MTUS2: variants seen among roughly 807,000 people sequenced by gnomAD.
MTUS2 encodes microtubule associated scaffold protein 2.
In MTUS2, 40 loss-of-function variants were observed where a neutral mutation model predicts 114.1. That is an observed-to-expected ratio of 0.35 (90% CI 0.27 to 0.46). The LOEUF (loss-of-function observed/expected upper bound fraction) is 0.46, where lower values mean the gene tolerates loss of function less well. Among genes scored for constraint, MTUS2 ranks in the 20% least tolerant of loss-of-function variants. The pLI is 1.00. For missense variants in MTUS2, 1,679 were observed against 1,705.4 expected, an observed-to-expected ratio of 0.98 and a Z score of 0.27; for synonymous variants, 688 against 672.0, an observed-to-expected ratio of 1.02 and a Z score of -0.37.
chr13:29,249,384 T>C (rs1200303577), intron 5 of MTUS2, among the ~76,000 whole-genome samples: 1 of 152,224 alleles, frequency 6.6e-6, no homozygotes, highest in Non-Finnish European at 1.5e-5. Context: ...GGAATCACCA[T>C]ACTGTCTTCC....
chr13:29,460,767 T>C (rs1879426504), intron 9 of MTUS2, among the ~76,000 whole-genome samples: 1 of 152,186 alleles, frequency 6.6e-6, no homozygotes, highest in African/African-American at 2.4e-5. Flanking sequence ...GTGTGGTCCT[T>C]CTTTACAGTT....
chr13:29,383,062 G>A (rs528989766), intron 8 of MTUS2, among the ~76,000 whole-genome samples: 2 of 151,286 alleles, frequency 1.3e-5, no homozygotes, highest in African/African-American at 4.9e-5. Context: ...GATAATATTG[G>A]GCCACAGAGT....
At chr13:29,077,319 A>T (rs978611969) in intron 4 of MTUS2, among the ~76,000 whole-genome samples, 8 of 152,186 alleles carry the variant, frequency 5.3e-5, no homozygotes, top group African/African-American at 1.7e-4. Context: ...CCATGTGAAC[A>T]AAGCAAACCA....
intron 2 of MTUS2, among the ~76,000 whole-genome samples, chr13:28,908,135 T>C (rs941709389): frequency 6.6e-6 from 1 of 151,648 alleles, no homozygotes; most frequent in Non-Finnish European, 1.5e-5. Context: ...TCAGCAACTA[T>C]TTCTTTCTTT....
rs569040792 is a variant in MTUS2, at chr13:29,393,098, C to T, written c.3117+33625C>T. On this transcript the variant is annotated intron_variant, in intron 8 of 15. Transcript: ENST00000612955. ...ATGAAGGTAGCATCTCTCAGTACTG[C>T]GCCAGGGCCAGCTGTGAGCAAAGCA... Among the ~76,000 whole-genome samples the T allele has an allele frequency of 5.3e-5, 8 of 152,288 alleles. No homozygotes were observed. In the East Asian group the frequency reaches 5.8e-4, roughly 11 times the overall value.
intron 2 of MTUS2, among the ~76,000 whole-genome samples, chr13:28,971,017 T>C (rs559936407): frequency 3.9e-5 from 6 of 152,344 alleles, no homozygotes; most frequent in East Asian, 3.9e-4. Flanking sequence ...TCGATAGTTA[T>C]TAAATCGCCT....
chr13:29,116,875 A>G (rs1891111573), intron 5 of MTUS2, among the ~76,000 whole-genome samples: 1 of 152,188 alleles, frequency 6.6e-6, no homozygotes, highest in Non-Finnish European at 1.5e-5. Flanking sequence ...TTTAAAACTT[A>G]TAAATTGTTT....
At chr13:28,991,127 G>A (rs749184201) in intron 2 of MTUS2, among the ~76,000 whole-genome samples, 36 of 152,160 alleles carry the variant, frequency 2.4e-4, no homozygotes, top group Admixed American at 3.3e-4. Context: ...CATGAGGCAG[G>A]GGACCCAGTG....
rs377368456 is a variant in MTUS2 at position 29,300,283 on chromosome 13, C to T, written c.2806+18418C>T. Among the ~76,000 whole-genome samples the T allele has an allele frequency of 1.1e-3, 163 of 152,260 alleles. 1 individual carries two copies. The highest frequency in any genetic ancestry group is 3.0e-3 in the African/African-American group (123 of 41,532). ...TGGTCTGAAACCTTTTGTGGATGCT[C>T]TTCAAAAGTAGGACACTAAAACCCT... On this transcript the variant is annotated intron_variant, in intron 6 of 15. Coordinates refer to ENST00000612955, the MANE Select transcript of MTUS2 (RefSeq NM_001033602.4).
chr13:29,030,178 C>A (rs927177198), intron 3 of MTUS2, among the ~76,000 whole-genome samples: 7 of 152,260 alleles, frequency 4.6e-5, no homozygotes, highest in Middle Eastern at 3.4e-3. Context: ...TTTCCCCAAA[C>A]TATTTTCTCT....
At chr13:29,429,712 G>A (rs1876844722) in intron 8 of MTUS2, among the ~76,000 whole-genome samples, 1 of 152,170 alleles carries the variant, frequency 6.6e-6, no homozygotes, top group South Asian at 2.1e-4. Flanking sequence ...ATTTCTACAA[G>A]ATGCATGAAA....
At chr13:29,186,381 G>A (rs901804994) in intron 5 of MTUS2, among the ~76,000 whole-genome samples, 3 of 152,080 alleles carry the variant, frequency 2.0e-5, no homozygotes, top group Non-Finnish European at 4.4e-5. Flanking sequence ...ATACACTTTA[G>A]ATCCAATGTA....
At chr13:29,210,720 G>A (rs181687575) in intron 5 of MTUS2, among the ~76,000 whole-genome samples, 24 of 152,278 alleles carry the variant, frequency 1.6e-4, no homozygotes, top group Non-Finnish European at 2.6e-4. Flanking sequence ...ACCTAGCTGA[G>A]CTACCAGGCT....
intron 2 of MTUS2, among the ~76,000 whole-genome samples, chr13:28,932,029 G>T (rs980616820): frequency 6.6e-6 from 1 of 151,944 alleles, no homozygotes; most frequent in African/African-American, 2.4e-5. Flanking sequence ...TGGTGAATAT[G>T]CATACATTCC....
intron 2 of MTUS2, among the ~76,000 whole-genome samples, chr13:28,903,032 T>C (rs796673131): frequency 5.3e-5 from 8 of 152,264 alleles, no homozygotes; most frequent in African/African-American, 1.9e-4. Flanking sequence ...TTCTTTCATA[T>C]GGATTGAGTT....
rs141996671 is a variant in MTUS2, at chr13:29,389,311, A to G, written c.3117+29838A>G. 1.7e-3 allele frequency among the ~76,000 whole-genome samples: 242 copies of G among 144,864 alleles called. 6 individuals are homozygous for G. The highest frequency in any genetic ancestry group is 0.011 in the Middle Eastern group (3 of 274). On this transcript the variant is annotated intron_variant, in intron 8 of 15. Coordinates refer to ENST00000612955, the MANE Select transcript of MTUS2 (RefSeq NM_001033602.4). ...CACATATGTGTGTATATGTGTATAT[A>G]TGTATACACATATGTGTGTATATAT...
chr13:29,140,765 G>A (rs1892185782), intron 5 of MTUS2, among the ~76,000 whole-genome samples: 1 of 152,100 alleles, frequency 6.6e-6, no homozygotes, highest in Non-Finnish European at 1.5e-5. Flanking sequence ...GTATTTTCAG[G>A]GAGCTCATCT....
At chr13:28,822,742 A>G (rs1873996308) in intron 1 of MTUS2, among the ~76,000 whole-genome samples, 1 of 152,010 alleles carries the variant, frequency 6.6e-6, no homozygotes, top group South Asian at 2.1e-4. Context: ...CCACCCCCCA[A>G]TTATATAAAC....
At chr13:29,430,959 C>G (rs1372246439) in intron 8 of MTUS2, among the ~76,000 whole-genome samples, 2 of 152,178 alleles carry the variant, frequency 1.3e-5, no homozygotes, top group Admixed American at 1.3e-4. Context: ...TTCTGATTAC[C>G]TTAACCTAGC....
Sources: gnomAD v4.1 joint callset for allele counts (sites outside exome capture counted in the v4.1 genomes callset) on GRCh38, gnomAD v4.1.1 for gene constraint, MANE v1.5 for transcripts, NCBI Gene and HGNC (gene_info 2026-07-23, HGNC 2026-07-21) for gene names.